The following FANCA variants were observed in gnomAD, a reference collection of about 807,000 sequenced individuals.
FANCA encodes FA complementation group A.
A neutral mutation model predicts 194.3 loss-of-function variants in FANCA; 236 were observed. That is an observed-to-expected ratio of 1.21 (90% CI 1.09 to 1.35). FANCA has a LOEUF of 1.35. FANCA is among the 40% of genes most tolerant of loss of function. The probability of loss-of-function intolerance (pLI) is 0.00; values close to 1 mark genes in which losing one functional copy is unlikely to be tolerated. For synonymous variants in FANCA, 1,014 were observed against 715.8 expected, an observed-to-expected ratio of 1.42 and a Z score of -6.65; for missense variants, 2,628 against 1,813.9, an observed-to-expected ratio of 1.45 and a Z score of -8.15.
intron 36 of FANCA, 168 bp downstream of exon 36, chr16:89,744,791 G>C (rs1040609978): frequency 2.9e-6 from 2 of 693,122 alleles, no homozygotes; most frequent in African/African-American, 3.5e-5. Context: ...CCAGTAGTTG[G>C]GATTACAGGC....
intron 7 of FANCA, among the ~76,000 whole-genome samples, chr16:89,804,776 A>G (rs761431535): frequency 6.6e-6 from 1 of 152,090 alleles, no homozygotes; most frequent in Non-Finnish European, 1.5e-5. Flanking sequence ...GCTCACGCCT[A>G]TAATCCCAGC....
At chr16:89,810,393 A>G (rs1026070872) in intron 5 of FANCA, among the ~76,000 whole-genome samples, 3 of 151,126 alleles carry the variant, frequency 2.0e-5, no homozygotes, top group Middle Eastern at 6.9e-3. Context: ...AATTACATAC[A>G]TTTTTTTTTA....
chr16:89,775,374 C>G (rs1212597980), intron 21 of FANCA, among the ~76,000 whole-genome samples: 3 of 152,210 alleles, frequency 2.0e-5, no homozygotes, highest in African/African-American at 7.2e-5. Context: ...GCATGACACT[C>G]CCTACGACAG....
chr16:89,768,726 C>A (rs1125012), intron 26 of FANCA, among the ~76,000 whole-genome samples: 13 of 152,100 alleles, frequency 8.5e-5, no homozygotes, highest in Admixed American at 8.5e-4. Flanking sequence ...TTCATTCTCC[C>A]TTTCTTATGC....
intron 24 of FANCA, 84 bp from the exon 25 acceptor site, chr16:89,770,343 G>C (rs751859131): frequency 7.7e-7 from 1 of 1,298,176 alleles, no homozygotes; most frequent in East Asian, 2.5e-5. Context: ...ACCAGCGGCC[G>C]AAGAAAGAGC....
In FANCA at chr16:89,738,675, C is replaced by T. The variant is rs769243354; in HGVS notation, c.4294G>A (p.Val1432Met). 19 of 1,613,926 alleles carry T rather than the reference C, an allele frequency of 1.2e-5. No homozygotes were observed. The South Asian group carries it at 1.4e-4, about 12-fold the overall frequency. Residue 1432 changes from valine to methionine, a missense_variant, in exon 43 of 43, where the codon GTG (valine) becomes ATG (methionine). By Grantham distance (21) the Val-to-Met change is conservative. Coordinates refer to ENST00000389301, the MANE Select transcript of FANCA (RefSeq NM_000135.4). The part of the protein sequence containing the change: ...LADRGDCDPE[V>M]SAALQSRQQA... ...TGTCTGCTCTGGAGGGCGGCGCTCA[C>T]CTCTGGGTCGCAGTCCCCACGATCA...
chr16:89,779,546 G>A (rs2039630566), intron 18 of FANCA, among the ~76,000 whole-genome samples: 1 of 152,140 alleles, frequency 6.6e-6, no homozygotes, highest in African/African-American at 2.4e-5. Flanking sequence ...CAGCACGGGA[G>A]GGGCATCACC....
chr16:89,749,758 T>G lies in FANCA; in HGVS notation c.3211A>C (p.Arg1071=). The change falls in exon 32 of 43, where the codon AGA becomes CGA. Residue 1071 remains arginine (R), a synonymous_variant. Transcript: ENST00000389301. ...SGWSVAASLQ[R]QRELLMYKRI... Reference sequence around the variant, plus strand: ...TTGTACATTAGCAGCTCCCTCTGTCTCTGAAGGCTGGCAGCCACGCTCCAC... The same window carrying G: ...TTGTACATTAGCAGCTCCCTCTGTCGCTGAAGGCTGGCAGCCACGCTCCAC... 6.2e-7 allele frequency: 1 copy of G among 1,614,184 alleles called. No homozygotes were observed. Among genetic ancestry groups the G allele is most frequent in the Non-Finnish European group, 8.5e-7 (1 of 1,180,022 alleles).
At chr16:89,815,817 G>A in intron 2 of FANCA, 60 bp downstream of exon 2, 3 of 1,285,024 alleles carry the variant, frequency 2.3e-6, no homozygotes, top group South Asian at 1.2e-5. Flanking sequence ...CTGTGCGGTG[G>A]CTGGACTCAA....
chr16:89,778,774 C>A (rs546509230), intron 20 of FANCA, 27 bp downstream of exon 20: 12 of 1,606,854 alleles, frequency 7.5e-6, no homozygotes, highest in Middle Eastern at 3.3e-4. Context: ...TGGAAGTAGT[C>A]ATCCCCTTCT....
chr16:89,784,096 T>G (rs1410067970), intron 15 of FANCA, among the ~76,000 whole-genome samples: 1 of 151,992 alleles, frequency 6.6e-6, no homozygotes, highest in African/African-American at 2.4e-5. Context: ...CTGGGCACAG[T>G]GGCTCACACC....
intron 7 of FANCA, among the ~76,000 whole-genome samples, chr16:89,804,462 C>A (rs1296570901): frequency 2.0e-5 from 3 of 152,120 alleles, no homozygotes; most frequent in Admixed American, 6.6e-5. Context: ...CAGGAGTGCG[C>A]TGAATATAAG....
rs1432415523 is a variant in FANCA, at chr16:89,784,891, G to C, written c.1433C>G (p.Ser478Ter). ...KALVFLFTFL[S>*]ELVPFESPRY... ...GGGAGACTCAAAAGGCACGAGTTCTGACAAGAACGTAAACAGGAAGACCAG... is the reference window on the plus strand; with the variant it reads ...GGGAGACTCAAAAGGCACGAGTTCTCACAAGAACGTAAACAGGAAGACCAG... The change falls in exon 15 of 43, where the codon TCA becomes TGA. Residue 478 changes from serine to a stop codon, truncating the protein, a stop_gained. Coordinates refer to ENST00000389301, the MANE Select transcript of FANCA (RefSeq NM_000135.4). LOFTEE classifies it high-confidence loss of function. The C allele has an allele frequency of 1.2e-6, 2 of 1,614,178 alleles. No homozygotes were observed. Among genetic ancestry groups the C allele is most frequent in the Admixed American group, 1.7e-5 (1 of 60,022 alleles).
At chr16:89,750,269 C>T (rs1333689207) in intron 31 of FANCA, among the ~76,000 whole-genome samples, 5 of 151,174 alleles carry the variant, frequency 3.3e-5, no homozygotes, top group African/African-American at 1.2e-4. Flanking sequence ...ATCACGAGGT[C>T]AGGAGATGGA....
intron 33 of FANCA, 78 bp downstream of exon 33, chr16:89,748,581 G>A (rs1377070876): frequency 6.5e-5 from 70 of 1,076,242 alleles, no homozygotes; most frequent in Non-Finnish European, 9.3e-5. Context: ...GTCAGTACAC[G>A]CATGGAGGCT....
intron 28 of FANCA, among the ~76,000 whole-genome samples, chr16:89,763,018 C>T (rs1598098663): frequency 6.7e-6 from 1 of 150,344 alleles, no homozygotes; most frequent in Non-Finnish European, 1.5e-5. Context: ...GAGGCCGAGG[C>T]GGGAGGATGA....
In FANCA at chr16:89,791,582, G is replaced by C. The variant is rs113526364; in HGVS notation, c.1226-46C>G. On this transcript the variant is annotated intron_variant, in intron 13 of 42. Transcript: ENST00000389301. ...AGTCACAGCAAGGCAAGGGCAGCCA[G>C]CAGGAACATGACGTGAGTTATGCTG... The C allele has an allele frequency of 2.5e-6, 4 of 1,611,300 alleles. No homozygotes were observed. In the South Asian group the frequency reaches 3.3e-5, roughly 13 times the overall value.
chr16:89,811,146 A>AGACCAACATGGAGAAACCCCGTCTCTACT, intron 3 of FANCA, 75 bp from the exon 4 acceptor site: 1 of 1,596,856 alleles, frequency 6.3e-7, no homozygotes. Context: ...TTGCTGTTTA[A>AGACCAACATGGAGAAACCCCGTCTCTACT]AATGCCTTAT....
chr16:89,810,490 T>C (rs2040834266), intron 5 of FANCA: 1 of 559,466 alleles, frequency 1.8e-6, no homozygotes, highest in Non-Finnish European at 3.2e-6. Context: ...GTCTAATAAA[T>C]ATTACTAATG....
Sources: gnomAD v4.1 joint callset for allele counts (sites outside exome capture counted in the v4.1 genomes callset) on GRCh38, gnomAD v4.1.1 for gene constraint, MANE v1.5 for transcripts, NCBI Gene and HGNC (gene_info 2026-07-23, HGNC 2026-07-21) for gene names.